The following PDE1A variants were observed in gnomAD, a reference collection of about 807,000 sequenced individuals.
PDE1A encodes dual specificity calcium/calmodulin-dependent 3',5'-cyclic nucleotide phosphodiesterase 1A.
Under a neutral mutation model 61.7 loss-of-function variants are expected in PDE1A, and 35 were observed. That is an observed-to-expected ratio of 0.57 (90% confidence interval 0.43 to 0.75). The LOEUF is 0.75. PDE1A is among the 30% of genes least tolerant of loss of function. The pLI, the probability that PDE1A is intolerant of heterozygous loss-of-function variation, is 0.00. For missense variants in PDE1A, 597 were observed against 630.6 expected, an observed-to-expected ratio of 0.95 and a Z score of 0.57; for synonymous variants, 232 against 213.2, an observed-to-expected ratio of 1.09 and a Z score of -0.77.
rs149282967 is a variant in PDE1A, at chr2:182,248,020, G to T, written c.168-7728C>A. Among the ~76,000 whole-genome samples, 574 of 152,158 alleles carry T rather than the reference G, an allele frequency of 3.8e-3. 4 individuals are homozygous for T. Among genetic ancestry groups the T allele is most frequent in the African/African-American group, 0.013 (536 of 41,544 alleles). ...CATACAACGTGAAAAAATGATGACTGGTACATTTTCCTTAGGAATTCTTAA... is the reference window on the plus strand; with the variant it reads ...CATACAACGTGAAAAAATGATGACTTGTACATTTTCCTTAGGAATTCTTAA... On this transcript the variant is annotated intron_variant, in intron 2 of 13. Transcript: ENST00000351439.
At chr2:182,239,482 T>C (rs923238561) in intron 3 of PDE1A, among the ~76,000 whole-genome samples, 3 of 152,176 alleles carry the variant, frequency 2.0e-5, no homozygotes, top group African/African-American at 7.2e-5. Flanking sequence ...ATAAGCTGTA[T>C]TCTTAAGGGC....
chr2:182,684,326 T>C, the PDE1A span, among the ~76,000 whole-genome samples: 1 of 152,130 alleles, frequency 6.6e-6, no homozygotes, highest in Non-Finnish European at 1.5e-5. Context: ...GTATACATTT[T>C]ATTGTATTTT....
downstream of PDE1A, among the ~76,000 whole-genome samples, chr2:182,163,190 C>T (rs1365142278): frequency 6.6e-6 from 1 of 152,172 alleles, no homozygotes; most frequent in Non-Finnish European, 1.5e-5. Context: ...GCAACTGCTA[C>T]ACCCAATGTA....
At chr2:182,523,299 G>C (rs1392402941), upstream of PDE1A, 3 of 152,174 alleles carry the variant, frequency 2.0e-5, no homozygotes, top group Admixed American at 6.5e-5. Context: ...TTATGAGAGA[G>C]AGAAGGAGAA....
chr2:182,406,626 T>C (rs1339212386), intron 1 of PDE1A, among the ~76,000 whole-genome samples: 4 of 152,134 alleles, frequency 2.6e-5, no homozygotes, highest in African/African-American at 9.7e-5. Context: ...GAGTAGATCA[T>C]TTTTTAACAT....
chr2:182,228,029 T>A (rs963771586), intron 6 of PDE1A, among the ~76,000 whole-genome samples: 4 of 152,160 alleles, frequency 2.6e-5, no homozygotes, highest in Non-Finnish European at 5.9e-5. Flanking sequence ...AAATGTTTTC[T>A]GGCCAAGGCC....
chr2:182,704,138 G>T, the PDE1A span, among the ~76,000 whole-genome samples: 2 of 151,276 alleles, frequency 1.3e-5, no homozygotes, highest in African/African-American at 4.9e-5. Flanking sequence ...TCGAATCCGG[G>T]GGGCAGAGGT....
intron 1 of PDE1A, among the ~76,000 whole-genome samples, chr2:182,323,278 A>G (rs1345999301): frequency 6.6e-6 from 1 of 152,190 alleles, no homozygotes; most frequent in East Asian, 1.9e-4. Flanking sequence ...GCTGTTCGAT[A>G]TATTTTGTAA....
At chr2:182,241,750 T>C in intron 2 of PDE1A, 2 of 1,167,084 alleles carry the variant, frequency 1.7e-6, no homozygotes, top group South Asian at 1.7e-5. Context: ...CGTGTATACA[T>C]ATAACGATAA....
chr2:182,527,325 AAAATATATATATATATAT>A (rs1345533570), upstream of PDE1A, among the ~76,000 whole-genome samples: 370 of 38,078 alleles, frequency 9.7e-3, 42 homozygotes, highest in East Asian at 0.021. Flanking sequence ...AAAAAAAAAA[AAAATATATATATATATAT>A]ATATATATAT....
chr2:182,450,863 G>T (rs1181090076), intron 2 of PDE1A, among the ~76,000 whole-genome samples: 1 of 151,460 alleles, frequency 6.6e-6, no homozygotes, highest in Non-Finnish European at 1.5e-5. Context: ...ATTTACGGCT[G>T]GCACTGTTTG....
the PDE1A span, among the ~76,000 whole-genome samples, chr2:182,588,942 C>T: frequency 6.6e-6 from 1 of 151,390 alleles, no homozygotes; most frequent in African/African-American, 2.4e-5. Context: ...ACTTGGGAGG[C>T]TGAGGTGGGA....
chr2:182,192,719 A>C (rs1432534), intron 10 of PDE1A, among the ~76,000 whole-genome samples: 111,660 of 152,024 alleles, frequency 0.73, 41,292 homozygotes, highest in East Asian at 0.91. Flanking sequence ...CTAGTCCCAT[A>C]GAAATGGAAA....
chr2:182,429,522 T>G (rs904342921), upstream of PDE1A, among the ~76,000 whole-genome samples: 4 of 152,076 alleles, frequency 2.6e-5, no homozygotes, highest in Admixed American at 1.3e-4. Context: ...AAAGTCAGGC[T>G]GACTTAGTCT....
chr2:182,564,729 T>C, the PDE1A span, among the ~76,000 whole-genome samples: 1 of 152,198 alleles, frequency 6.6e-6, no homozygotes. Context: ...TAGTCCCACA[T>C]TTCTTGGAGG....
rs570944722 is a variant in PDE1A at position 182,381,813 on chromosome 2, A to AAAT, written c.53+44762_53+44764dup. On this transcript the variant is annotated intron_variant, in intron 1 of 13. Transcript: ENST00000351439. The stretch of plus-strand genomic sequence containing the variant: ...GGTGACAGAGCGAGACTCTGTCTCA[A>AAAT]AATAATAATAATAATAATAATAATT... Among the ~76,000 whole-genome samples, 1,131 of 151,126 alleles carry AAAT rather than the reference A, an allele frequency of 7.5e-3. 15 individuals are homozygous for AAAT. Among genetic ancestry groups the AAAT allele is most frequent in the South Asian group, 0.042 (198 of 4,762 alleles).
chr2:182,238,701 C>G lies in PDE1A; in HGVS notation c.350+1409G>C, dbSNP rs571158389. 2.2e-4 allele frequency among the ~76,000 whole-genome samples: 33 copies of G among 152,298 alleles called. No individual in the cohort carries two copies. In the South Asian group the frequency reaches 6.2e-3, roughly 29 times the overall value. On this transcript the variant is annotated intron_variant, in intron 3 of 13. Transcript: ENST00000351439. ...ACTTTATTTCTATATGTTCTTAGCACATTGATTTCTTAAAGACTGCTTACT... is the reference window on the plus strand; with the variant it reads ...ACTTTATTTCTATATGTTCTTAGCAGATTGATTTCTTAAAGACTGCTTACT...
In PDE1A at chr2:182,225,790, G is replaced by A. The variant is rs138608010; in HGVS notation, c.676-1826C>T. On this transcript the variant is annotated intron_variant, in intron 6 of 13. Transcript: ENST00000351439. ...ATGAATTGATAAAGGCATTAAATCT[G>A]GGAAATAATAGCTAACATATCATTA... is the stretch of plus-strand genomic sequence containing the variant. Among the ~76,000 whole-genome samples the A allele has an allele frequency of 8.0e-4, 120 of 150,098 alleles. 1 individual carries two copies. The East Asian group carries it at 0.017, about 21-fold the overall frequency.
chr2:182,680,507 A>G, the PDE1A span, among the ~76,000 whole-genome samples: 1 of 152,206 alleles, frequency 6.6e-6, no homozygotes, highest in Non-Finnish European at 1.5e-5. Context: ...GCATAGTTTT[A>G]TACATGTTAA....
Sources: gnomAD v4.1 joint callset for allele counts (sites outside exome capture counted in the v4.1 genomes callset) on GRCh38, gnomAD v4.1.1 for gene constraint, MANE v1.5 for transcripts, NCBI Gene and HGNC (gene_info 2026-07-23, HGNC 2026-07-21) for gene names.